Variants in TIAM2 observed in about 807,000 individuals in gnomAD.
TIAM2 encodes the protein TIAM Rac1 associated GEF 2, also known as rho guanine nucleotide exchange factor TIAM2.
Under a neutral mutation model 152.9 loss-of-function variants are expected in TIAM2, and 80 were observed. The ratio of observed to expected loss-of-function variants is 0.52; its 90% CI spans 0.44 to 0.63. TIAM2 has a LOEUF of 0.63. Ranked by LOEUF, TIAM2 falls within the 30% of genes least tolerant of loss-of-function variation. TIAM2 has a pLI of 0.00. For synonymous variants in TIAM2, 804 were observed against 838.0 expected (o/e 0.96, Z 0.70); for missense variants, 1,965 against 2,120.1 (o/e 0.93, Z 1.44).
chr6:155,144,975 G>C (rs929453594), intron 6 of TIAM2, among the ~76,000 whole-genome samples, 197 bp downstream of exon 6: 2 of 152,134 alleles, frequency 1.3e-5, no homozygotes, highest in African/African-American at 4.8e-5. Context: ...TCATCCAGAG[G>C]GCACTTTTCA....
chr6:155,008,409 G>A (rs1778433176), intron 1 of TIAM2, among the ~76,000 whole-genome samples: 1 of 152,154 alleles, frequency 6.6e-6, no homozygotes, highest in African/African-American at 2.4e-5. Context: ...AGAAATATAA[G>A]GCACAGAGAA....
At chr6:155,238,572 G>A (rs964070888) in intron 15 of TIAM2, among the ~76,000 whole-genome samples, 1 of 152,214 alleles carries the variant, frequency 6.6e-6, no homozygotes, top group African/African-American at 2.4e-5. Context: ...GGCCTGGAAC[G>A]TTACTGGGCT....
intron 1 of TIAM2, chr6:155,005,293 A>G: frequency 4.6e-6 from 1 of 217,110 alleles, no homozygotes. Context: ...CCAGAGGGCC[A>G]GGAATCTTGG....
Position 155,257,717 on chromosome 6 carries a change from A to C in TIAM2, c.*596A>C. 1 of 1,222,914 alleles carries C rather than the reference A, an allele frequency of 8.2e-7. No individual in the cohort carries two copies. Among genetic ancestry groups the C allele is most frequent in the Non-Finnish European group, 1.2e-6 (1 of 856,990 alleles). 75.8% of individuals were successfully genotyped at this position (1,222,914 alleles called of 1,614,324 possible). A position where few individuals can be genotyped will look rare whatever the true frequency, so the allele number is the denominator to read the frequency against. ...CAAGCTGTATAGTAAAAGGAAAATA[A>C]GTCACATCTGGTCATTGGCATTTGT... On this transcript the variant is annotated 3_prime_UTR_variant, in exon 27 of 27. Coordinates refer to ENST00000682666, the MANE Select transcript of TIAM2 (RefSeq NM_012454.4).
Position 155,167,795 on chromosome 6 carries a change from C to A in TIAM2, c.2361+2386C>A, listed in dbSNP as rs112971024. ...TACAGGTCTGAGCCATAACACCGAG[C>A]ACTTATGTTTTGTGAACTGAACTTC... On this transcript the variant is annotated intron_variant, in intron 9 of 26. Transcript: ENST00000682666. 4.2e-3 allele frequency among the ~76,000 whole-genome samples: 635 copies of A among 152,282 alleles called. 5 individuals carry two copies. The highest frequency in any genetic ancestry group is 0.015 in the African/African-American group (612 of 41,568).
At chr6:155,180,169 C>G (rs1780864645) in intron 12 of TIAM2, among the ~76,000 whole-genome samples, 1 of 152,142 alleles carries the variant, frequency 6.6e-6, no homozygotes, top group African/African-American at 2.4e-5. Flanking sequence ...ATCCCAGCTA[C>G]TCGGGAGGCT....
intron 2 of TIAM2, among the ~76,000 whole-genome samples, chr6:155,091,982 C>T (rs371078961): frequency 6.6e-5 from 10 of 152,206 alleles, no homozygotes; most frequent in South Asian, 4.1e-4. Flanking sequence ...ACTGCAACCT[C>T]GACCACCCGG....
intron 4 of TIAM2, 99 bp from the exon 5 acceptor site, chr6:155,137,078 A>G: frequency 7.8e-7 from 1 of 1,279,006 alleles, no homozygotes; most frequent in Non-Finnish European, 1.1e-6. Flanking sequence ...TTTGCATTAC[A>G]TTATCAGCAG....
chr6:155,178,655 A>G (rs576841587), intron 10 of TIAM2, among the ~76,000 whole-genome samples: 1 of 152,042 alleles, frequency 6.6e-6, no homozygotes, highest in South Asian at 2.1e-4. Context: ...GCTCACTGCA[A>G]CCTCCACCTC....
At chr6:154,997,444 A>G (rs1389995106) in intron 1 of TIAM2, among the ~76,000 whole-genome samples, 1 of 152,014 alleles carries the variant, frequency 6.6e-6, no homozygotes, top group Non-Finnish European at 1.5e-5. Context: ...TCCACTTGCC[A>G]AGCCTCTAGT....
intron 2 of TIAM2, among the ~76,000 whole-genome samples, chr6:155,100,624 C>T (rs1208175328): frequency 4.6e-5 from 7 of 152,264 alleles, no homozygotes; most frequent in Admixed American, 6.5e-5. Context: ...ATGTGCCAGG[C>T]GCTTCTTAAA....
intron 1 of TIAM2, among the ~76,000 whole-genome samples, chr6:154,996,464 A>G (rs1273630674): frequency 6.6e-6 from 1 of 152,116 alleles, no homozygotes; most frequent in African/African-American, 2.4e-5. Context: ...TATGCGATGA[A>G]GGGCCTGGGA....
chr6:155,226,634 C>T (rs540775298), intron 15 of TIAM2, among the ~76,000 whole-genome samples: 54 of 139,744 alleles, frequency 3.9e-4, no homozygotes, highest in Middle Eastern at 3.9e-3. Context: ...CACTGCACTC[C>T]AGCCTGAGCA....
Position 155,130,161 on chromosome 6 carries a change from C to A in TIAM2, c.938C>A (p.Pro313His), listed in dbSNP as rs770893650. 6 of 1,614,180 alleles carry A rather than the reference C, an allele frequency of 3.7e-6. No homozygotes were observed. The highest frequency in any genetic ancestry group is 4.2e-6 in the Non-Finnish European group (5 of 1,180,042). Residue 313 changes from proline to histidine, a missense_variant, in exon 4 of 27, where the codon CCC becomes CAC. This residue lies in a region of TIAM2 where 1,025 missense variants were observed against 1,119.4 expected (regional missense o/e 0.92). Transcript: ENST00000682666. The part of the protein sequence containing the change: ...YKDANLGSLS[P>H]SGIRLSDEYM... ...GATGCCAACCTGGGGAGCCTCTCCC[C>A]CTCAGGTATCCGCCTTTCTGATGAA...
At chr6:155,041,230 C>G (rs1367245829) in intron 1 of TIAM2, among the ~76,000 whole-genome samples, 1 of 152,160 alleles carries the variant, frequency 6.6e-6, no homozygotes, top group Admixed American at 6.5e-5. Flanking sequence ...TTTCTGACCA[C>G]TTGAGTTATA....
rs1213528617 is a variant in TIAM2 at position 155,129,568 on chromosome 6, C to T, written c.345C>T (p.Gly115=). 1.8e-5 allele frequency: 29 copies of T among 1,614,048 alleles called. No homozygotes were observed. Among genetic ancestry groups the T allele is most frequent in the African/African-American group, 8.0e-5 (6 of 74,922 alleles). The change falls in exon 4 of 27, where the codon GGC becomes GGT. Residue 115 remains glycine (G), a synonymous_variant. Coordinates refer to ENST00000682666, the MANE Select transcript of TIAM2 (RefSeq NM_012454.4). The surrounding 1 kb of genome is among the most constrained non-coding windows in gnomAD (Gnocchi z 4.8). ...GISAAFSTEN[G]FHSVGHELAD... ...GTGCTGCTTTCTCAACTGAGAATGG[C>T]TTCCACTCTGTTGGCCACGAGCTGG...
At chr6:155,071,376 T>C (rs770599864) in intron 1 of TIAM2, among the ~76,000 whole-genome samples, 3 of 152,196 alleles carry the variant, frequency 2.0e-5, no homozygotes, top group Non-Finnish European at 4.4e-5. Context: ...ACTGGACTTA[T>C]TAAACGTTAA....
At chr6:155,178,190 A>C (rs1331360154) in intron 10 of TIAM2, among the ~76,000 whole-genome samples, 1 of 140,828 alleles carries the variant, frequency 7.1e-6, no homozygotes, top group Non-Finnish European at 1.6e-5. Flanking sequence ...AAAAAAAAAG[A>C]TGTAGTGGGT....
chr6:155,115,857 G>A (rs148322487), intron 2 of TIAM2, among the ~76,000 whole-genome samples: 2 of 152,186 alleles, frequency 1.3e-5, no homozygotes, highest in African/African-American at 2.4e-5. Context: ...GGTGGCTCAC[G>A]CCTGTAATCT....
Sources: allele counts gnomAD v4.1 joint callset (sites outside exome capture counted in the v4.1 genomes callset), GRCh38; gene constraint gnomAD v4.1.1; regional missense constraint gnomAD v4.1.1; non-coding constraint Gnocchi (gnomAD v3.1); transcripts MANE v1.5; gene names NCBI Gene and HGNC (gene_info 2026-07-23, HGNC 2026-07-21).